LOXL2: variants seen among roughly 807,000 people sequenced by gnomAD.
LOXL2 encodes the protein lysyl oxidase like 2, also known as lysyl oxidase homolog 2.
LOXL2 carries 70 observed loss-of-function variants against 93.0 expected under a neutral mutation model. That is an observed-to-expected ratio of 0.75 (90% confidence interval 0.62 to 0.92). LOXL2 has a LOEUF of 0.92. Ranked by LOEUF, LOXL2 falls within the 40% of genes least tolerant of loss-of-function variation. LOXL2 has a pLI of 0.00. For synonymous variants in LOXL2, 438 were observed against 413.2 expected (o/e 1.06, Z -0.73); for missense variants, 973 against 1,054.9 (o/e 0.92, Z 1.08).
intron 3 of LOXL2, among the ~76,000 whole-genome samples, chr8:23,358,904 C>T (rs973618721): frequency 2.0e-5 from 3 of 147,668 alleles, no homozygotes; most frequent in African/African-American, 5.0e-5. Context: ...TGCAGTGGTG[C>T]GATCTCAGCT....
intron 1 of LOXL2, among the ~76,000 whole-genome samples, chr8:23,392,586 A>T (rs1172967841): frequency 1.3e-5 from 2 of 152,172 alleles, no homozygotes; most frequent in African/African-American, 4.8e-5. Context: ...CCAGACTGGC[A>T]TGGCTCCCAC....
intron 1 of LOXL2, among the ~76,000 whole-genome samples, chr8:23,369,114 AT>A (rs892111641): frequency 3.5e-4 from 53 of 152,282 alleles, no homozygotes; most frequent in African/African-American, 1.2e-3. Flanking sequence ...TGAGGGCAGG[AT>A]GTTCAACACA....
Position 23,398,267 on chromosome 8 carries a change from T to C in LOXL2, c.-84+5687A>G, listed in dbSNP as rs372668142. On this transcript the variant is annotated intron_variant, in intron 1 of 13. Transcript: ENST00000389131. ...TATGTTTTATAGGCAAGTGGCATCA[T>C]TTTTGCAGAAGATACCCTCAGCACT... Among the ~76,000 whole-genome samples, 93 of 152,338 alleles carry C rather than the reference T, an allele frequency of 6.1e-4. 2 individuals are homozygous for C. The South Asian group carries it at 0.018, about 30-fold the overall frequency.
At chr8:23,401,228 C>T (rs563251547) in intron 1 of LOXL2, among the ~76,000 whole-genome samples, 116 of 152,246 alleles carry the variant, frequency 7.6e-4, no homozygotes, top group Non-Finnish European at 8.5e-4. Flanking sequence ...AATCAAATGA[C>T]ATAGTGGACA....
intron 1 of LOXL2, among the ~76,000 whole-genome samples, chr8:23,403,095 G>T (rs1160361055): frequency 6.6e-6 from 1 of 152,202 alleles, no homozygotes. Context: ...CGAGCAGGCA[G>T]CCACACCCAG....
At chr8:23,345,511 G>A (rs909863489) in intron 3 of LOXL2, among the ~76,000 whole-genome samples, 1 of 152,206 alleles carries the variant, frequency 6.6e-6, no homozygotes, top group Non-Finnish European at 1.5e-5. Flanking sequence ...AGGAGGCAGG[G>A]AAGCCCTCTG....
At chr8:23,373,485 C>A (rs752683836) in intron 1 of LOXL2, among the ~76,000 whole-genome samples, 1 of 152,154 alleles carries the variant, frequency 6.6e-6, no homozygotes, top group African/African-American at 2.4e-5. Flanking sequence ...CAGGCAAGAG[C>A]CACCATGCCT....
chr8:23,317,970 T>G (rs1441380910), intron 8 of LOXL2, among the ~76,000 whole-genome samples: 6 of 138,592 alleles, frequency 4.3e-5, no homozygotes, highest in Non-Finnish European at 8.2e-5. Flanking sequence ...TAGTATCTCA[T>G]CTAAACTCTC....
chr8:23,321,346 C>G (rs1803494095), intron 7 of LOXL2, among the ~76,000 whole-genome samples: 1 of 152,176 alleles, frequency 6.6e-6, no homozygotes, highest in South Asian at 2.1e-4. Flanking sequence ...TGGAAGGAAT[C>G]TGGACACTTC....
At chr8:23,328,701 A>T in intron 5 of LOXL2, 136 bp from the exon 6 acceptor site, 1 of 626,910 alleles carries the variant, frequency 1.6e-6, no homozygotes. Flanking sequence ...ACTATGCTTG[A>T]TGTATGGATG....
chr8:23,395,611 C>A (rs1422302358), intron 1 of LOXL2, among the ~76,000 whole-genome samples: 1 of 152,190 alleles, frequency 6.6e-6, no homozygotes, highest in African/African-American at 2.4e-5. Flanking sequence ...AAAGAATCTA[C>A]TTCGATGACA....
At chr8:23,402,270 CAT>C (rs991376282) in intron 1 of LOXL2, among the ~76,000 whole-genome samples, 13 of 152,318 alleles carry the variant, frequency 8.5e-5, no homozygotes, top group African/African-American at 2.9e-4. Context: ...GAGACACACA[CAT>C]GCACACATAC....
At chr8:23,318,482 C>T (rs959606636) in intron 8 of LOXL2, among the ~76,000 whole-genome samples, 7 of 151,320 alleles carry the variant, frequency 4.6e-5, no homozygotes, top group Non-Finnish European at 1.0e-4. Flanking sequence ...TTCATACAAC[C>T]TACTGGTTTT....
chr8:23,320,215 C>T lies in LOXL2; in HGVS notation c.1303-163G>A, dbSNP rs1057295511. Among the ~76,000 whole-genome samples the T allele has an allele frequency of 2.0e-5, 3 of 152,172 alleles. No individual in the cohort carries two copies. The East Asian group carries it at 5.8e-4, about 29-fold the overall frequency. On this transcript the variant is annotated intron_variant, in intron 7 of 13. Coordinates refer to ENST00000389131, the MANE Select transcript of LOXL2 (RefSeq NM_002318.3). ...GGGAGCCCCCGGTGGCAGCGCTGTG[C>T]CTAGCATGGTCTTATAGTGAGGTCC...
At chr8:23,402,317 A>G (rs2117245882) in intron 1 of LOXL2, among the ~76,000 whole-genome samples, 1 of 152,280 alleles carries the variant, frequency 6.6e-6, no homozygotes, top group Middle Eastern at 3.4e-3. Context: ...ACATGCATAC[A>G]CAAACGTGCG....
intron 3 of LOXL2, among the ~76,000 whole-genome samples, chr8:23,357,722 A>G (rs1804223149): frequency 6.6e-6 from 1 of 152,072 alleles, no homozygotes. Flanking sequence ...GGACACTCCA[A>G]GTAGATTATC....
intron 8 of LOXL2, among the ~76,000 whole-genome samples, chr8:23,318,623 C>T (rs995802464): frequency 3.3e-5 from 5 of 152,152 alleles, no homozygotes; most frequent in African/African-American, 9.7e-5. Context: ...TATTTCAAGA[C>T]CCCAGCTGAG....
intron 1 of LOXL2, among the ~76,000 whole-genome samples, chr8:23,373,404 T>C (rs1310776271): frequency 6.6e-6 from 1 of 152,208 alleles, no homozygotes; most frequent in Non-Finnish European, 1.5e-5. Flanking sequence ...GGCGTGATCA[T>C]AGCTCACCGC....
intron 3 of LOXL2, among the ~76,000 whole-genome samples, chr8:23,359,021 T>C (rs980377558): frequency 1.3e-5 from 2 of 152,096 alleles, no homozygotes; most frequent in African/African-American, 4.8e-5. Flanking sequence ...TTTTTTCTTT[T>C]TTTTGTATTT....
Sources: gnomAD v4.1 joint callset for allele counts (sites outside exome capture counted in the v4.1 genomes callset) on GRCh38, gnomAD v4.1.1 for gene constraint, MANE v1.5 for transcripts, NCBI Gene and HGNC (gene_info 2026-07-23, HGNC 2026-07-21) for gene names.